KIAA0825: variants seen among roughly 807,000 people sequenced by gnomAD.
KIAA0825 encodes KIAA0825.
In KIAA0825, 119 loss-of-function variants were observed where a neutral mutation model predicts 147.6. That is an observed-to-expected ratio of 0.81 (90% CI 0.69 to 0.94). KIAA0825 has a LOEUF of 0.94. Among genes scored for constraint, KIAA0825 ranks in the 40% least tolerant of loss-of-function variants. The pLI is 0.00. For missense variants in KIAA0825, 1,381 were observed against 1,472.7 expected, an observed-to-expected ratio of 0.94 and a Z score of 1.02; for synonymous variants, 470 against 518.1, an observed-to-expected ratio of 0.91 and a Z score of 1.26.
intron 2 of KIAA0825, among the ~76,000 whole-genome samples, chr5:94,555,466 C>T (rs77347305): frequency 6.6e-6 from 1 of 151,992 alleles, no homozygotes; most frequent in African/African-American, 2.4e-5. Context: ...GGTAAGTACT[C>T]GTATTAATAT....
At chr5:94,180,446 A>G (rs1378632035) in intron 20 of KIAA0825, among the ~76,000 whole-genome samples, 2 of 152,166 alleles carry the variant, frequency 1.3e-5, no homozygotes, top group Non-Finnish European at 2.9e-5. Flanking sequence ...ATGATAATAG[A>G]AAATTGGTGA....
intron 15 of KIAA0825, among the ~76,000 whole-genome samples, chr5:94,409,887 T>G (rs1752528490): frequency 6.6e-6 from 1 of 152,062 alleles, no homozygotes; most frequent in Non-Finnish European, 1.5e-5. Flanking sequence ...AAATCTGTAA[T>G]GGAAGAAAAC....
chr5:94,531,520 G>A lies in KIAA0825; in HGVS notation c.131+5476C>T, dbSNP rs541037131. Among the ~76,000 whole-genome samples, 21 of 152,286 alleles carry A rather than the reference G, an allele frequency of 1.4e-4. No individual in the cohort carries two copies. The East Asian group carries it at 3.5e-3, about 25-fold the overall frequency. The stretch of plus-strand genomic sequence containing the variant: ...GGCCAGAAAAAGTTTAGGCTACTGC[G>A]CTGCTGAAGCCCAGGATGCTGTCTG... On this transcript the variant is annotated intron_variant, in intron 3 of 20. Transcript: ENST00000682413.
intron 2 of KIAA0825, among the ~76,000 whole-genome samples, chr5:94,540,322 T>C (rs980491231): frequency 6.6e-6 from 1 of 152,220 alleles, no homozygotes; most frequent in Non-Finnish European, 1.5e-5. Flanking sequence ...TAGGACACCT[T>C]GTAAGCCCAC....
chr5:94,544,262 T>A (rs1442723929), intron 2 of KIAA0825, among the ~76,000 whole-genome samples: 1 of 152,242 alleles, frequency 6.6e-6, no homozygotes, highest in African/African-American at 2.4e-5. Context: ...TCAACACTCA[T>A]AGCTGTATGT....
chr5:94,389,512 A>C (rs537705855), intron 18 of KIAA0825, among the ~76,000 whole-genome samples: 1 of 152,272 alleles, frequency 6.6e-6, no homozygotes, highest in African/African-American at 2.4e-5. Flanking sequence ...CTCAAAGACA[A>C]AGCATCTTTA....
intron 3 of KIAA0825, among the ~76,000 whole-genome samples, chr5:94,529,407 C>A (rs929698019): frequency 6.9e-6 from 1 of 145,548 alleles, no homozygotes; most frequent in South Asian, 2.1e-4. Context: ...ATGTATATCT[C>A]ATATATGTAT....
At chr5:94,176,250 TTCTC>T (rs1297483964) in intron 20 of KIAA0825, among the ~76,000 whole-genome samples, 1 of 152,074 alleles carries the variant, frequency 6.6e-6, no homozygotes, top group Non-Finnish European at 1.5e-5. Flanking sequence ...CCTCCCTGGT[TTCTC>T]TCTCTTGCTT....
At chr5:94,310,623 G>C (rs1449680229) in intron 20 of KIAA0825, among the ~76,000 whole-genome samples, 1 of 151,526 alleles carries the variant, frequency 6.6e-6, no homozygotes, top group East Asian at 1.9e-4. Flanking sequence ...GAACATAAAA[G>C]GACTACAGAA....
At position 94,283,851 on chromosome 5, in the gene KIAA0825, C is replaced by T. The variant is rs182740560; in HGVS notation, c.3710+100517G>A. 1.9e-3 allele frequency among the ~76,000 whole-genome samples: 294 copies of T among 152,058 alleles called. 1 individual carries two copies. The highest frequency in any genetic ancestry group is 3.4e-3 in the Middle Eastern group (1 of 292). The stretch of plus-strand genomic sequence containing the variant: ...AAAGCTTACCAATTAAACCTAAACG[C>T]GATTACTGAATGCCTAAATTGGCAC... On this transcript the variant is annotated intron_variant, in intron 20 of 20. Transcript: ENST00000682413.
chr5:94,346,189 A>G (rs186251729), intron 20 of KIAA0825, among the ~76,000 whole-genome samples: 3 of 152,222 alleles, frequency 2.0e-5, no homozygotes, highest in African/African-American at 4.8e-5. Flanking sequence ...CTATCATTCA[A>G]TAGTCAAGAA....
At chr5:94,455,391 A>G (rs1758971235) in intron 12 of KIAA0825, among the ~76,000 whole-genome samples, 1 of 152,166 alleles carries the variant, frequency 6.6e-6, no homozygotes, top group South Asian at 2.1e-4. Flanking sequence ...TCAGGTATGT[A>G]TGGAGGACCC....
intron 1 of KIAA0825, among the ~76,000 whole-genome samples, chr5:94,589,767 T>C (rs1299376139): frequency 6.6e-6 from 1 of 151,960 alleles, no homozygotes; most frequent in African/African-American, 2.4e-5. Context: ...TTTTTTCCAG[T>C]AGTTTTACAT....
At chr5:94,155,213 CT>C (rs67704311) in intron 20 of KIAA0825, among the ~76,000 whole-genome samples, 468 of 119,042 alleles carry the variant, frequency 3.9e-3, no homozygotes, top group African/African-American at 0.01. Flanking sequence ...TATTTTCTTT[CT>C]TTTTTTTTTT....
At chr5:94,207,200 C>G (rs374938249) in intron 20 of KIAA0825, among the ~76,000 whole-genome samples, 1 of 152,120 alleles carries the variant, frequency 6.6e-6, no homozygotes, top group Admixed American at 6.5e-5. Context: ...TTACAATCAT[C>G]AACTGAGTTA....
At chr5:94,252,150 C>T (rs1775995122) in intron 20 of KIAA0825, among the ~76,000 whole-genome samples, 1 of 151,964 alleles carries the variant, frequency 6.6e-6, no homozygotes, top group Non-Finnish European at 1.5e-5. Flanking sequence ...GAATTAAACA[C>T]ACTTTCACTA....
intron 20 of KIAA0825, among the ~76,000 whole-genome samples, chr5:94,184,676 A>G (rs1769964732): frequency 6.6e-6 from 1 of 152,094 alleles, no homozygotes; most frequent in African/African-American, 2.4e-5. Context: ...TTTAAAGAAG[A>G]TTAAACTTAT....
chr5:94,523,099 TAAC>T (rs899199639), intron 4 of KIAA0825, among the ~76,000 whole-genome samples: 5 of 151,602 alleles, frequency 3.3e-5, no homozygotes, highest in African/African-American at 1.2e-4. Flanking sequence ...TCTGAAATAA[TAAC>T]AACAGGCAAA....
chr5:94,339,522 T>C (rs1029646501), intron 20 of KIAA0825, among the ~76,000 whole-genome samples: 1 of 152,366 alleles, frequency 6.6e-6, no homozygotes, highest in East Asian at 1.9e-4. Context: ...TCTTAGTTCC[T>C]GTAGCGTCAA....
Sources: allele counts gnomAD v4.1 joint callset (sites outside exome capture counted in the v4.1 genomes callset), GRCh38; gene constraint gnomAD v4.1.1; transcripts MANE v1.5; gene names NCBI Gene and HGNC (gene_info 2026-07-23, HGNC 2026-07-21).